The following ERC1 variants were observed in gnomAD, a reference collection of about 807,000 sequenced individuals.
ERC1 encodes RAB6 interacting protein 2.
A neutral mutation model predicts 132.0 loss-of-function variants in ERC1; 56 were observed. The ratio of observed to expected loss-of-function variants is 0.42; its 90% CI spans 0.34 to 0.53. The LOEUF is 0.53. Among genes scored for constraint, ERC1 ranks in the 20% least tolerant of loss-of-function variants. ERC1 has a pLI of 0.03. For synonymous variants in ERC1, 478 were observed against 476.1 expected, an observed-to-expected ratio of 1.00 and a Z score of -0.05; for missense variants, 1,202 against 1,349.9, an observed-to-expected ratio of 0.89 and a Z score of 1.72.
At chr12:1,271,982 C>T (rs964120074) in intron 14 of ERC1, among the ~76,000 whole-genome samples, 1 of 152,144 alleles carries the variant, frequency 6.6e-6, no homozygotes, top group African/African-American at 2.4e-5. Context: ...AATTTTTACA[C>T]TGTGGCTTTC....
At chr12:1,009,323 C>A (rs1271317256) in intron 1 of ERC1, among the ~76,000 whole-genome samples, 4 of 152,060 alleles carry the variant, frequency 2.6e-5, no homozygotes, top group Admixed American at 6.5e-5. Context: ...TACAGGTGCC[C>A]GCCACCACGC....
chr12:1,009,216 C>T (rs2080185941), intron 1 of ERC1, among the ~76,000 whole-genome samples: 1 of 151,570 alleles, frequency 6.6e-6, no homozygotes, highest in Non-Finnish European at 1.5e-5. Context: ...TCTCTGTCGC[C>T]CAGGCTGGAG....
chr12:1,202,328 G>A (rs1163890037), intron 12 of ERC1, among the ~76,000 whole-genome samples: 5 of 152,058 alleles, frequency 3.3e-5, no homozygotes, highest in Non-Finnish European at 7.4e-5. Context: ...CATATAATTC[G>A]ATGTACAGAT....
chr12:1,299,976 A>G (rs2045067018), intron 15 of ERC1, among the ~76,000 whole-genome samples: 1 of 152,236 alleles, frequency 6.6e-6, no homozygotes. Flanking sequence ...TGAATTTGTC[A>G]TATGGAACCA....
chr12:1,257,929 T>C (rs1162593311), intron 13 of ERC1, among the ~76,000 whole-genome samples: 2 of 152,206 alleles, frequency 1.3e-5, no homozygotes, highest in East Asian at 1.9e-4. Context: ...TTGTACCTCC[T>C]TTTTTTAAGA....
At chr12:1,048,369 T>C (rs533569268) in intron 2 of ERC1, among the ~76,000 whole-genome samples, 9 of 152,314 alleles carry the variant, frequency 5.9e-5, no homozygotes, top group Admixed American at 2.0e-4. Context: ...CTGCCACCTC[T>C]TTTTCTTGTG....
intron 2 of ERC1, among the ~76,000 whole-genome samples, chr12:1,036,979 G>A (rs1015618563): frequency 6.6e-6 from 1 of 152,188 alleles, no homozygotes; most frequent in African/African-American, 2.4e-5. Context: ...AGCAAAATTT[G>A]TACATGTATG....
At chr12:996,010 CAG>C (rs1429161786) in intron 1 of ERC1, among the ~76,000 whole-genome samples, 2 of 151,928 alleles carry the variant, frequency 1.3e-5, no homozygotes, top group African/African-American at 4.8e-5. Flanking sequence ...TGTCTAATAA[CAG>C]GGAAATGACT....
At chr12:1,225,903 A>T (rs1283665841) in intron 12 of ERC1, among the ~76,000 whole-genome samples, 1 of 152,204 alleles carries the variant, frequency 6.6e-6, no homozygotes, top group Non-Finnish European at 1.5e-5. Context: ...AATGAATGTT[A>T]GGAGGAACTT....
At chr12:1,255,634 T>TTG (rs1260927553) in intron 13 of ERC1, among the ~76,000 whole-genome samples, 1 of 128,406 alleles carries the variant, frequency 7.8e-6, no homozygotes, top group African/African-American at 3.1e-5. Flanking sequence ...TTTTTTTTTT[T>TTG]TTTTTTTTTT....
intron 15 of ERC1, among the ~76,000 whole-genome samples, chr12:1,347,947 C>T (rs1202049316): frequency 1.3e-5 from 2 of 152,080 alleles, no homozygotes; most frequent in African/African-American, 4.8e-5. Context: ...GGCGCCACTG[C>T]ACTCCAATCT....
chr12:1,354,382 G>A (rs1254691889), intron 15 of ERC1, among the ~76,000 whole-genome samples: 1 of 152,010 alleles, frequency 6.6e-6, no homozygotes, highest in Non-Finnish European at 1.5e-5. Flanking sequence ...AACCAGCTGG[G>A]CATGGTGGCA....
At chr12:1,304,942 C>A (rs11613496) in intron 15 of ERC1, among the ~76,000 whole-genome samples, 56,929 of 149,446 alleles carry the variant, frequency 0.38, 11,215 homozygotes, top group Middle Eastern at 0.5. Context: ...GGCGCCCGCC[C>A]CCACGCCCGG....
chr12:1,259,917 C>T (rs2077044067), intron 13 of ERC1, among the ~76,000 whole-genome samples: 1 of 152,194 alleles, frequency 6.6e-6, no homozygotes, highest in African/African-American at 2.4e-5. Context: ...TTACTAATTG[C>T]CCTTGGATAA....
At chr12:1,395,816 A>C (rs1374254809) in intron 16 of ERC1, among the ~76,000 whole-genome samples, 1 of 152,142 alleles carries the variant, frequency 6.6e-6, no homozygotes, top group Non-Finnish European at 1.5e-5. Context: ...CAAGAGGGGG[A>C]AAAAAGTAGT....
chr12:1,406,142 T>A (rs932155165), intron 16 of ERC1, among the ~76,000 whole-genome samples: 2 of 152,196 alleles, frequency 1.3e-5, no homozygotes, highest in African/African-American at 4.8e-5. Flanking sequence ...CACAGCAGTC[T>A]TATGTAGGAG....
At chr12:1,181,536 C>T (rs984047852) in intron 9 of ERC1, among the ~76,000 whole-genome samples, 2 of 152,122 alleles carry the variant, frequency 1.3e-5, no homozygotes, top group Non-Finnish European at 2.9e-5. Context: ...CAATGACTCA[C>T]ACCTGTAGTC....
intron 14 of ERC1, among the ~76,000 whole-genome samples, chr12:1,286,690 G>A (rs1027961069): frequency 4.6e-5 from 7 of 152,042 alleles, no homozygotes; most frequent in Non-Finnish European, 1.0e-4. Flanking sequence ...AAATCTGTCA[G>A]TAAGAGCATT....
chr12:1,364,579 C>A (rs2086475686), intron 15 of ERC1, among the ~76,000 whole-genome samples: 1 of 152,174 alleles, frequency 6.6e-6, no homozygotes, highest in Non-Finnish European at 1.5e-5. Context: ...ACGATGTGTC[C>A]TCACATGTGA....
Sources: gnomAD v4.1 joint callset for allele counts (sites outside exome capture counted in the v4.1 genomes callset) on GRCh38, gnomAD v4.1.1 for gene constraint, MANE v1.5 for transcripts, NCBI Gene and HGNC (gene_info 2026-07-23, HGNC 2026-07-21) for gene names.